The following SPDYE1 variants were observed in gnomAD, a reference collection of about 807,000 sequenced individuals.
SPDYE1 encodes the protein speedy/RINGO cell cycle regulator family member E1, also known as speedy protein E1.
A neutral mutation model predicts 45.9 loss-of-function variants in SPDYE1; 29 were observed. The observed-to-expected ratio is 0.63, with a 90% CI of 0.47 to 0.86. The LOEUF is 0.86. SPDYE1 is among the 40% of genes least tolerant of loss of function. The probability of loss-of-function intolerance (pLI) is 0.00; values close to 1 mark genes in which losing one functional copy is unlikely to be tolerated. For missense variants in SPDYE1, 346 were observed against 481.4 expected, an observed-to-expected ratio of 0.72 and a Z score of 2.63; for synonymous variants, 134 against 176.8, an observed-to-expected ratio of 0.76 and a Z score of 1.92.
intron 5 of SPDYE1, chr7:44,004,348 T>C: frequency 3.6e-6 from 1 of 275,070 alleles, no homozygotes. Flanking sequence ...TCCCATGGTC[T>C]TGAGTCTTGG....
At chr7:44,005,506 C>T (rs1432733560) in intron 6 of SPDYE1, among the ~76,000 whole-genome samples, 12 of 152,138 alleles carry the variant, frequency 7.9e-5, no homozygotes, top group African/African-American at 1.7e-4. Flanking sequence ...GGCCAAACCC[C>T]GTCTCTACCA....
At chr7:44,004,240 G>A (rs1212108373) in intron 5 of SPDYE1, 13 of 438,640 alleles carry the variant, frequency 3.0e-5, no homozygotes, top group African/African-American at 2.0e-4. Flanking sequence ...TTGCCATGTT[G>A]GCCAGGTTGG....
At position 44,007,601 on chromosome 7, in the gene SPDYE1, GGGAGGTGGA is replaced by G. The variant is rs1421329639; in HGVS notation, c.1071+24_1071+32del. 6.2e-7 allele frequency: 1 copy of G among 1,612,588 alleles called. No individual in the cohort carries two copies. Among genetic ancestry groups the G allele is most frequent in the Non-Finnish European group, 8.5e-7 (1 of 1,180,016 alleles). ...AGTTGGAGGAGGTGAGTGGGGCCTG[GGGAGGTGGA>G]GGAGGTGGGGAGGAATTGGGTGGGC... On this transcript the variant is annotated intron_variant, in intron 7 of 8. Coordinates refer to ENST00000693451, the MANE Select transcript of SPDYE1 (RefSeq NM_001378423.2).
intron 6 of SPDYE1, among the ~76,000 whole-genome samples, chr7:44,005,823 G>A (rs561841679): frequency 1.1e-4 from 16 of 152,214 alleles, no homozygotes; most frequent in Admixed American, 3.9e-4. Context: ...GCAAGCAGAC[G>A]TTTCTGGTTC....
chr7:44,002,765 G>A lies in SPDYE1; in HGVS notation c.555G>A (p.Arg185=), dbSNP rs768720992. The change falls in exon 4 of 9, where the codon CGG becomes CGA. Residue 185 remains arginine, a synonymous_variant. Coordinates refer to ENST00000693451, the MANE Select transcript of SPDYE1 (RefSeq NM_001378423.2). ...GCCTCAAGATGAAGCTGAAGCGACG[G>A]CGAGTGTCGCTCGTGCTCCCTGAGC... The part of the protein sequence containing the change: ...LCGLKMKLKR[R]RVSLVLPEHH... 65 of 1,564,356 alleles carry A rather than the reference G, an allele frequency of 4.2e-5. No individual in the cohort carries two copies. Among genetic ancestry groups the A allele is most frequent in the Non-Finnish European group, 5.6e-5 (65 of 1,166,118 alleles).
In SPDYE1 at chr7:44,007,382, G is replaced by A. The variant is rs1396487116; in HGVS notation, c.867G>A (p.Gln289=). 1.9e-6 allele frequency: 3 copies of A among 1,613,074 alleles called. No individual in the cohort carries two copies. The highest frequency in any genetic ancestry group is 2.7e-5 in the African/African-American group (2 of 74,886). Residue 289 remains glutamine, a synonymous_variant, in exon 7 of 9, where the codon CAG becomes CAA. Coordinates refer to ENST00000693451, the MANE Select transcript of SPDYE1 (RefSeq NM_001378423.2). ...RIPLLRKRRF[Q]LYRSMNPRAR... The stretch of plus-strand genomic sequence containing the variant: ...CCTTGCTCCGTAAGCGTCGGTTCCA[G>A]TTATACCGTTCCATGAACCCGAGGG...
rs1231702996 is a variant in SPDYE1 at position 43,999,513 on chromosome 7, T to A, written c.-422-15T>A. ...ACCCTAGTTTTCTTTCCCACTCTGT[T>A]CCCTCTCCCACCAGACTGGACTCTG... On this transcript the variant is annotated splice_polypyrimidine_tract_variant and intron_variant, in intron 1 of 8. Coordinates refer to ENST00000693451, the MANE Select transcript of SPDYE1 (RefSeq NM_001378423.2). Among the ~76,000 whole-genome samples the A allele has an allele frequency of 1.3e-5, 2 of 152,040 alleles. No individual in the cohort carries two copies. The highest frequency in any genetic ancestry group is 2.9e-5 in the Non-Finnish European group (2 of 68,018).
In SPDYE1 at chr7:44,007,746, G is replaced by A. The variant is rs756439541; in HGVS notation, c.1109G>A (p.Arg370Gln). 18 of 1,611,272 alleles carry A rather than the reference G, an allele frequency of 1.1e-5. No individual in the cohort carries two copies. Among genetic ancestry groups the A allele is most frequent in the African/African-American group, 6.7e-5 (5 of 74,848 alleles). Residue 370 changes from arginine to glutamine, a missense_variant, in exon 8 of 9, where the codon CGA (arginine) becomes CAA (glutamine). Coordinates refer to ENST00000693451, the MANE Select transcript of SPDYE1 (RefSeq NM_001378423.2). ...GACCCAGAGCACTGGGTGTGGGCGC[G>A]AGATCGCGCTCGCCTTTCCTAGAGC... ...AYDPEHWVWA[R>Q]DRARLS
intron 1 of SPDYE1, among the ~76,000 whole-genome samples, chr7:43,999,076 T>C (rs1223809806): frequency 2.0e-5 from 3 of 151,528 alleles, no homozygotes; most frequent in Non-Finnish European, 4.4e-5. Flanking sequence ...ATACATATGA[T>C]ACAAAACTTG....
chr7:44,006,740 G>A (rs2096071758), intron 6 of SPDYE1, among the ~76,000 whole-genome samples: 1 of 152,174 alleles, frequency 6.6e-6, no homozygotes, highest in Non-Finnish European at 1.5e-5. Flanking sequence ...TCAGCCTCCT[G>A]AGTAGCTAGG....
chr7:44,009,365 TTATC>T lies in SPDYE1; in HGVS notation c.*748_*751del, dbSNP rs1268278322. 3 of 151,738 alleles carry T rather than the reference TTATC, an allele frequency of 2.0e-5. No homozygotes were observed. The highest frequency in any genetic ancestry group is 7.3e-5 in the African/African-American group (3 of 41,312). 9.4% of individuals were successfully genotyped at this position (151,738 alleles called of 1,614,324 possible). ...TGTGCTCCTGAAGCGAGCACTCTTT[TTATC>T]TATGATACTTCCATAATAATCTCTT... is the stretch of plus-strand genomic sequence containing the variant. On this transcript the variant is annotated 3_prime_UTR_variant, in exon 9 of 9. Coordinates refer to ENST00000693451, the MANE Select transcript of SPDYE1 (RefSeq NM_001378423.2).
chr7:44,007,178 G>A (rs2096072434), intron 6 of SPDYE1, 90 bp from the exon 7 acceptor site: 55 of 1,610,046 alleles, frequency 3.4e-5, no homozygotes, highest in Non-Finnish European at 4.4e-5. Context: ...AGCTAGGAAC[G>A]GTCCCTTACC....
intron 3 of SPDYE1, among the ~76,000 whole-genome samples, chr7:44,001,746 TCGAGACCAA>T (rs2096063439): frequency 1.3e-5 from 2 of 152,002 alleles, no homozygotes; most frequent in African/African-American, 4.8e-5. Context: ...GGTCAGTTGT[TCGAGACCAA>T]CCAGACCAAT....
chr7:44,007,131 G>A (rs561373935), intron 6 of SPDYE1, 137 bp from the exon 7 acceptor site: 31 of 1,565,848 alleles, frequency 2.0e-5, no homozygotes, highest in Non-Finnish European at 2.5e-5. Context: ...CCCTCCTGAG[G>A]AAGGCATGGC....
Position 44,009,566 on chromosome 7 carries a change from G to T in SPDYE1, c.*945G>T, listed in dbSNP as rs112784301. 6.8e-6 allele frequency: 1 copy of T among 147,916 alleles called. No homozygotes were observed. The highest frequency in any genetic ancestry group is 2.0e-4 in the East Asian group (1 of 5,118). The allele number at this position is 147,916 out of a possible 1,614,324, so 9.2% of individuals were successfully genotyped here. On this transcript the variant is annotated 3_prime_UTR_variant, in exon 9 of 9. Transcript: ENST00000693451. ...TTATTGGTTTATTTTGAAAAACATG[G>T]GTATAGAATTATTTAAATATTATTT...
Position 43,999,263 on chromosome 7 carries a change from G to A in SPDYE1, c.-422-265G>A, listed in dbSNP as rs562697506. 2.0e-5 allele frequency among the ~76,000 whole-genome samples: 3 copies of A among 152,270 alleles called. No individual in the cohort carries two copies. The East Asian group carries it at 5.8e-4, about 29-fold the overall frequency. On this transcript the variant is annotated intron_variant, in intron 1 of 8. Transcript: ENST00000693451. ...CAAAATGTCTCTTGGACTCAAAATT[G>A]CCTTAGGGCAGAGGACGTATGTACC...
Position 44,007,763 on chromosome 7 carries a change from T to G in SPDYE1, c.1126T>G (p.Ser376Ala), listed in dbSNP as rs1443618604. The change falls in exon 8 of 9, where the codon TCC becomes GCC. Residue 376 changes from serine to alanine, a missense_variant. Coordinates refer to ENST00000693451, the MANE Select transcript of SPDYE1 (RefSeq NM_001378423.2). ...GTGGGCGCGAGATCGCGCTCGCCTT[T>G]CCTAGAGCTCCAGGGACCGTGGAGG... is the stretch of plus-strand genomic sequence containing the variant. ...WVWARDRARL[S>A] 14 of 1,611,254 alleles carry G rather than the reference T, an allele frequency of 8.7e-6. No individual in the cohort carries two copies. The highest frequency in any genetic ancestry group is 1.2e-5 in the Non-Finnish European group (14 of 1,179,686).
At position 44,009,817 on chromosome 7, in the gene SPDYE1, CTAT is replaced by C. The variant is rs1585945209; in HGVS notation, c.*1202_*1204del. ...ATCTTTTACCTTTCAATCTTTGTAT[CTAT>C]TATTACACGTGCTGCTGAAGGGAGC... On this transcript the variant is annotated 3_prime_UTR_variant, in exon 9 of 9. Transcript: ENST00000693451. 6.6e-6 allele frequency: 1 copy of C among 151,434 alleles called. No individual in the cohort carries two copies. Among genetic ancestry groups the C allele is most frequent in the Admixed American group, 6.6e-5 (1 of 15,180 alleles). 9.4% of individuals were successfully genotyped at this position (151,434 alleles called of 1,614,324 possible).
At chr7:44,001,010 G>C in intron 2 of SPDYE1, 56 bp from the exon 3 acceptor site, 1 of 1,596,988 alleles carries the variant, frequency 6.3e-7, no homozygotes, top group East Asian at 2.2e-5. Flanking sequence ...TTTGGGTCGG[G>C]GTCTAAGGTG....
Sources: allele counts gnomAD v4.1 joint callset (sites outside exome capture counted in the v4.1 genomes callset), GRCh38; gene constraint gnomAD v4.1.1; transcripts MANE v1.5; gene names NCBI Gene and HGNC (gene_info 2026-07-23, HGNC 2026-07-21).